The following PRKG1 variants were observed in gnomAD, a reference collection of about 807,000 sequenced individuals.
The protein encoded by PRKG1 is cGMP-dependent protein kinase 1.
A neutral mutation model predicts 88.1 loss-of-function variants in PRKG1; 35 were observed. That is an observed-to-expected ratio of 0.40 (90% confidence interval 0.30 to 0.53). PRKG1 has a LOEUF of 0.53. Among genes scored for constraint, PRKG1 ranks in the 20% least tolerant of loss-of-function variants. The pLI is 0.59. For synonymous variants in PRKG1, 303 were observed against 292.5 expected (o/e 1.04, Z -0.37); for missense variants, 540 against 839.8 (o/e 0.64, Z 4.41).
At chr10:51,476,538 T>A (rs535574943) in intron 3 of PRKG1, among the ~76,000 whole-genome samples, 13 of 152,216 alleles carry the variant, frequency 8.5e-5, no homozygotes, top group African/African-American at 3.1e-4. Context: ...GAAAGTATGG[T>A]TGTCTATAAC....
intron 5 of PRKG1, among the ~76,000 whole-genome samples, chr10:51,938,948 A>G (rs58725405): frequency 0.19 from 29,623 of 151,960 alleles, 3,779 homozygotes; most frequent in East Asian, 0.35. Flanking sequence ...TTTGCAGTGG[A>G]CACTGATAGG....
chr10:52,046,155 T>C (rs1459802503), intron 5 of PRKG1, among the ~76,000 whole-genome samples: 1 of 152,144 alleles, frequency 6.6e-6, no homozygotes, highest in Non-Finnish European at 1.5e-5. Context: ...CATTAAACTT[T>C]AGATTGTTCA....
intron 3 of PRKG1, among the ~76,000 whole-genome samples, chr10:51,700,381 ATTAG>A (rs1279370806): frequency 1.3e-5 from 2 of 152,158 alleles, no homozygotes; most frequent in Admixed American, 6.5e-5. Context: ...TTAGTGATTA[ATTAG>A]TTATTAGTAT....
At chr10:51,317,714 A>T (rs944125223) in intron 2 of PRKG1, among the ~76,000 whole-genome samples, 1 of 152,186 alleles carries the variant, frequency 6.6e-6, no homozygotes, top group Non-Finnish European at 1.5e-5. Flanking sequence ...TATTCTGAAC[A>T]TTGCAACTCC....
At chr10:51,690,077 G>A (rs1841097926) in intron 3 of PRKG1, among the ~76,000 whole-genome samples, 1 of 152,146 alleles carries the variant, frequency 6.6e-6, no homozygotes, top group Non-Finnish European at 1.5e-5. Flanking sequence ...AGGGAACTTA[G>A]AATCATGACA....
chr10:51,305,600 A>G (rs1462202995), intron 2 of PRKG1, among the ~76,000 whole-genome samples: 2 of 152,172 alleles, frequency 1.3e-5, no homozygotes, highest in Non-Finnish European at 2.9e-5. Context: ...GGGCAGCATG[A>G]ACAGAATGTT....
At chr10:51,624,690 G>A (rs1589139506) in intron 3 of PRKG1, among the ~76,000 whole-genome samples, 1 of 152,200 alleles carries the variant, frequency 6.6e-6, no homozygotes, top group African/African-American at 2.4e-5. Flanking sequence ...TACTCACAGA[G>A]GTGAATAATT....
intron 7 of PRKG1, among the ~76,000 whole-genome samples, chr10:52,086,020 C>A (rs1846904457): frequency 6.6e-6 from 1 of 151,762 alleles, no homozygotes; most frequent in South Asian, 2.1e-4. Flanking sequence ...TTTTTTTCTC[C>A]CTTTTGTTTG....
At chr10:51,175,055 CAGCT>C (rs1837154027) in intron 2 of PRKG1, among the ~76,000 whole-genome samples, 1 of 151,736 alleles carries the variant, frequency 6.6e-6, no homozygotes, top group Admixed American at 6.6e-5. Flanking sequence ...AACTTATAAC[CAGCT>C]AGTTTTCTAT....
At chr10:52,281,466 A>C (rs1564544360) in intron 13 of PRKG1, among the ~76,000 whole-genome samples, 1 of 152,048 alleles carries the variant, frequency 6.6e-6, no homozygotes. Context: ...GCTTGATTCC[A>C]TTTTTAAAGT....
At chr10:51,828,381 T>C (rs1055964823) in intron 4 of PRKG1, among the ~76,000 whole-genome samples, 1 of 152,154 alleles carries the variant, frequency 6.6e-6, no homozygotes, top group African/African-American at 2.4e-5. Flanking sequence ...GACTGCCTCA[T>C]TGGTGCTCAG....
At chr10:51,615,027 C>T (rs1839010651) in intron 3 of PRKG1, among the ~76,000 whole-genome samples, 1 of 59,566 alleles carries the variant, frequency 1.7e-5, no homozygotes, top group Non-Finnish European at 3.4e-5. Context: ...TTGAATATAT[C>T]CATCTTTGAA....
In PRKG1 at chr10:52,167,389, C is replaced by T. The variant is rs1838512763; in HGVS notation, c.1076+5426C>T. ...CCAAACACCTCCCATCAGGCCCAAC[C>T]TCCAGCACTATGGATTACATTTTAA... On this transcript the variant is annotated intron_variant, in intron 9 of 17. Transcript: ENST00000373980. Among the ~76,000 whole-genome samples the T allele has an allele frequency of 2.0e-5, 3 of 152,150 alleles. No individual in the cohort carries two copies. In the South Asian group the frequency reaches 6.2e-4, roughly 32 times the overall value.
intron 3 of PRKG1, among the ~76,000 whole-genome samples, chr10:51,727,765 T>C (rs1842172507): frequency 6.6e-6 from 1 of 152,184 alleles, no homozygotes; most frequent in Non-Finnish European, 1.5e-5. Flanking sequence ...TGTTTAAACC[T>C]ATATTATTGC....
intron 9 of PRKG1, among the ~76,000 whole-genome samples, chr10:52,226,026 ATTT>A (rs71680568): frequency 0.11 from 15,342 of 134,322 alleles, 1,244 homozygotes; most frequent in African/African-American, 0.24. Flanking sequence ...ATGAGGGTTG[ATTT>A]TTTTTTTTTT....
In PRKG1 at chr10:51,821,610, G is replaced by A. The variant is rs193188917; in HGVS notation, c.698+16920G>A. On this transcript the variant is annotated intron_variant, in intron 4 of 17. Transcript: ENST00000373980. ...GTACACCCCATTAACAATATTTTTA[G>A]CACGTTGACCTATATATTTATATTT... 1.0e-3 allele frequency among the ~76,000 whole-genome samples: 157 copies of A among 151,942 alleles called. No individual in the cohort carries two copies. The Middle Eastern group carries it at 0.01, about 10-fold the overall frequency.
chr10:51,251,115 C>T (rs1839417338), intron 2 of PRKG1, among the ~76,000 whole-genome samples: 1 of 151,698 alleles, frequency 6.6e-6, no homozygotes, highest in Non-Finnish European at 1.5e-5. Flanking sequence ...TGTGTTCCAC[C>T]TTTTATAATA....
intron 5 of PRKG1, among the ~76,000 whole-genome samples, chr10:51,933,717 G>A (rs1842741169): frequency 6.6e-6 from 1 of 151,776 alleles, no homozygotes; most frequent in Non-Finnish European, 1.5e-5. Context: ...GATGTCATAA[G>A]GTTATTGTGA....
chr10:52,277,904 C>T (rs1841911744), intron 12 of PRKG1, among the ~76,000 whole-genome samples: 1 of 151,950 alleles, frequency 6.6e-6, no homozygotes, highest in Non-Finnish European at 1.5e-5. Flanking sequence ...GGTATGTTGC[C>T]CAGAGTCACA....
Sources: allele counts gnomAD v4.1 joint callset (sites outside exome capture counted in the v4.1 genomes callset), GRCh38; gene constraint gnomAD v4.1.1; transcripts MANE v1.5; gene names NCBI Gene and HGNC (gene_info 2026-07-23, HGNC 2026-07-21).